CEBPZOS: variants seen among roughly 807,000 people sequenced by gnomAD.
CEBPZOS encodes protein CEBPZOS.
CEBPZOS carries 10 observed loss-of-function variants against 4.8 expected under a neutral mutation model. The observed-to-expected ratio is 2.07, with a 90% CI of 1.28 to 3.52. The LOEUF is 3.52. CEBPZOS is among the 30% of genes most tolerant of loss of function. CEBPZOS has a pLI of 0.00. For synonymous variants in CEBPZOS, 25 were observed against 14.2 expected (o/e 1.77, Z -1.72); for missense variants, 98 against 43.6 (o/e 2.25, Z -3.51).
At chr2:37,209,802 G>A (rs901913276) in intron 4 of CEBPZOS, 1 of 152,144 alleles carries the variant, frequency 6.6e-6, no homozygotes, top group East Asian at 1.9e-4. Flanking sequence ...AAGCTAAAAA[G>A]CGTCTGCATA....
At position 37,199,733 on chromosome 2, in the gene CEBPZOS, A is replaced by G. The variant is rs761560262; in HGVS notation, c.29A>G (p.Lys10Arg). ...GCCCGTACTTTGGAACCACTAGCAA[A>G]GAAGATCTTTAAAGGAGTTTTGGTA... MARTLEPLA[K>R]KIFKGVLVAE... The change falls in exon 2 of 5, where the codon AAG (lysine) becomes AGG (arginine). Residue 10 changes from lysine to arginine, a missense_variant. Physicochemically the swap from Lys to Arg is conservative, Grantham distance 26. Transcript: ENST00000402297. The G allele has an allele frequency of 4.5e-5, 32 of 717,230 alleles. No individual in the cohort carries two copies. The highest frequency in any genetic ancestry group is 7.8e-5 in the Non-Finnish European group (30 of 385,014). 44.4% of individuals were successfully genotyped at this position (717,230 alleles called of 1,614,324 possible).
At position 37,197,720 on chromosome 2, in the gene CEBPZOS, G is replaced by A. The variant is rs182347554; in HGVS notation, c.-2+1200G>A. ...TCTCTACTAAACATACAAAAAATTA[G>A]CCAGACGTGGTGGCACACGCCTATA... On this transcript the variant is annotated intron_variant, in intron 1 of 4. Coordinates refer to ENST00000402297, the MANE Select transcript of CEBPZOS (RefSeq NM_001322374.2). 2.8e-3 allele frequency among the ~76,000 whole-genome samples: 426 copies of A among 152,180 alleles called. 4 individuals carry two copies. The highest frequency in any genetic ancestry group is 3.2e-3 in the Non-Finnish European group (220 of 68,012).
At chr2:37,208,728 G>A (rs1677620123), downstream of CEBPZOS, 1 of 152,044 alleles carries the variant, frequency 6.6e-6, no homozygotes, top group Admixed American at 6.5e-5. Flanking sequence ...CCTGAGAACT[G>A]GAACAAGACA....
intron 4 of CEBPZOS, chr2:37,212,564 T>G: frequency 1.8e-6 from 1 of 570,482 alleles, no homozygotes; most frequent in Middle Eastern, 4.4e-4. Flanking sequence ...TACAAACCTG[T>G]GAAATACTGA....
chr2:37,208,134 G>A (rs781284485), downstream of CEBPZOS, among the ~76,000 whole-genome samples: 1 of 152,102 alleles, frequency 6.6e-6, no homozygotes, highest in East Asian at 1.9e-4. Flanking sequence ...CCAATAACAA[G>A]TAGCACGACT....
At chr2:37,201,550 A>G in intron 3 of CEBPZOS, 92 bp from the exon 4 acceptor site, 1 of 628,388 alleles carries the variant, frequency 1.6e-6, no homozygotes, top group Non-Finnish European at 2.9e-6. Context: ...GTTATGTAGC[A>G]ATATGGAAAA....
At chr2:37,199,676 G>A (rs765035195) in intron 1 of CEBPZOS, 28 bp from the exon 2 acceptor site, 10 of 712,616 alleles carry the variant, frequency 1.4e-5, no homozygotes, top group Non-Finnish European at 1.6e-5. Context: ...GTTCATTCAG[G>A]TTTACACATA....
At chr2:37,206,188 G>C (rs967573353), downstream of CEBPZOS, among the ~76,000 whole-genome samples, 1 of 152,186 alleles carries the variant, frequency 6.6e-6, no homozygotes, top group Non-Finnish European at 1.5e-5. Context: ...CAGGACTAAC[G>C]TGCAGCTCCC....
At chr2:37,209,425 G>T (rs373182080), downstream of CEBPZOS, 2 of 152,188 alleles carry the variant, frequency 1.3e-5, no homozygotes, top group Admixed American at 6.5e-5. Flanking sequence ...AAAATAGCAT[G>T]GTACTTGTAC....
downstream of CEBPZOS, chr2:37,216,050 T>C: frequency 1.0e-6 from 1 of 989,368 alleles, no homozygotes; most frequent in Non-Finnish European, 1.5e-6. Flanking sequence ...CAGGTTTTAT[T>C]CTGATAAATT....
intron 1 of CEBPZOS, among the ~76,000 whole-genome samples, chr2:37,199,077 C>T (rs906100467): frequency 1.3e-5 from 2 of 152,082 alleles, no homozygotes; most frequent in Admixed American, 1.3e-4. Flanking sequence ...TTGTTTGAGC[C>T]CAGTGAGCTG....
At chr2:37,212,102 G>T in intron 4 of CEBPZOS, 3 of 1,376,000 alleles carry the variant, frequency 2.2e-6, no homozygotes, top group East Asian at 2.3e-5. Flanking sequence ...GTGTTTTGCT[G>T]ACTACTAGGG....
At chr2:37,212,438 C>G (rs750813749) in intron 4 of CEBPZOS, 9 of 1,468,094 alleles carry the variant, frequency 6.1e-6, no homozygotes, top group Non-Finnish European at 8.6e-6. Context: ...GAATGACAAG[C>G]TTGACATATA....
chr2:37,214,944 T>G, downstream of CEBPZOS: 1 of 1,603,444 alleles, frequency 6.2e-7, no homozygotes. Flanking sequence ...AGGAACTCCT[T>G]ACTGTTCACT....
chr2:37,207,310 G>C (rs995549905), downstream of CEBPZOS, among the ~76,000 whole-genome samples: 1 of 152,110 alleles, frequency 6.6e-6, no homozygotes, highest in Non-Finnish European at 1.5e-5. Flanking sequence ...GGACTTAACA[G>C]ATACCTACGG....
chr2:37,208,683 A>G (rs1677618200), downstream of CEBPZOS, among the ~76,000 whole-genome samples: 2 of 152,202 alleles, frequency 1.3e-5, no homozygotes, highest in South Asian at 4.1e-4. Flanking sequence ...CATAGCCAAC[A>G]TTATACTGAA....
At position 37,202,760 on chromosome 2, in the gene CEBPZOS, A is replaced by G. The variant is rs368519805; in HGVS notation, c.*900A>G. 3.6e-4 allele frequency: 516 copies of G among 1,433,850 alleles called. 1 individual carries two copies. The highest frequency in any genetic ancestry group is 4.6e-4 in the Non-Finnish European group (487 of 1,059,410). 88.8% of individuals were successfully genotyped at this position (1,433,850 alleles called of 1,614,324 possible). ...AAGCCAAAGCTATTTTTAAAACATC[A>G]ATAAAAAAATTTAAGTTACTTACTT... On this transcript the variant is annotated 3_prime_UTR_variant, in exon 5 of 5. Transcript: ENST00000402297.
intron 4 of CEBPZOS, chr2:37,211,187 A>G: frequency 1.5e-6 from 1 of 651,842 alleles, no homozygotes; most frequent in Non-Finnish European, 2.6e-6. Flanking sequence ...AAGGCACTAT[A>G]CTGCTATTCC....
In CEBPZOS at chr2:37,201,658, T is replaced by C. The variant is rs1198932098; in HGVS notation, c.177T>C (p.Thr59=). The change falls in exon 4 of 5, where the codon ACT becomes ACC. Residue 59 remains threonine (T), a synonymous_variant. Coordinates refer to ENST00000402297, the MANE Select transcript of CEBPZOS (RefSeq NM_001322374.2). ...TATTTATAGTTTATTACAAATCCAC[T>C]GAGAAGTCTGGAATGTATGGAATCA... The part of the protein sequence containing the change: ...PFILEVYYKS[T]EKSGMYGIRE... 1.3e-6 allele frequency: 1 copy of C among 761,676 alleles called. No individual in the cohort carries two copies. Among genetic ancestry groups the C allele is most frequent in the African/African-American group, 1.7e-5 (1 of 57,644 alleles). 47.2% of individuals were successfully genotyped at this position (761,676 alleles called of 1,614,324 possible).
Sources: gnomAD v4.1 joint callset for allele counts (sites outside exome capture counted in the v4.1 genomes callset) on GRCh38, gnomAD v4.1.1 for gene constraint, MANE v1.5 for transcripts, NCBI Gene and HGNC (gene_info 2026-07-23, HGNC 2026-07-21) for gene names.